Variants in ZGPAT observed in about 807,000 individuals in gnomAD.
ZGPAT encodes zinc finger CCCH-type with G patch domain-containing protein.
ZGPAT carries 39 observed loss-of-function variants against 47.9 expected under a neutral mutation model. The observed-to-expected ratio is 0.81, with a 90% CI of 0.63 to 1.06. ZGPAT has a LOEUF of 1.06. ZGPAT is among the 50% of genes least tolerant of loss of function. The probability of loss-of-function intolerance (pLI) is 0.00; values close to 1 mark genes in which losing one functional copy is unlikely to be tolerated. For missense variants in ZGPAT, 717 were observed against 681.4 expected (o/e 1.05, Z -0.58); for synonymous variants, 348 against 292.9 (o/e 1.19, Z -1.92).
At chr20:63,730,821 G>A (rs2091890050) in intron 2 of ZGPAT, among the ~76,000 whole-genome samples, 1 of 152,040 alleles carries the variant, frequency 6.6e-6, no homozygotes, top group African/African-American at 2.4e-5. Context: ...CTTCCTTTTT[G>A]AAACGATGGC....
chr20:63,722,977 A>G (rs149674758), intron 2 of ZGPAT, among the ~76,000 whole-genome samples: 62 of 152,278 alleles, frequency 4.1e-4, no homozygotes, highest in East Asian at 2.5e-3. Flanking sequence ...CCGTTGTACT[A>G]TGACATAGTT....
chr20:63,729,596 G>A (rs1260032755), intron 2 of ZGPAT, among the ~76,000 whole-genome samples: 1 of 152,072 alleles, frequency 6.6e-6, no homozygotes, highest in Non-Finnish European at 1.5e-5. Context: ...GTGAGGGGGG[G>A]CTCTTCCTGG....
intron 2 of ZGPAT, among the ~76,000 whole-genome samples, chr20:63,714,290 G>A (rs1414855936): frequency 6.6e-6 from 1 of 151,880 alleles, no homozygotes; most frequent in Non-Finnish European, 1.5e-5. Context: ...GCTGGGTGAG[G>A]TGATGTGCAC....
At chr20:63,730,808 G>A (rs2091889989) in intron 2 of ZGPAT, among the ~76,000 whole-genome samples, 2 of 152,236 alleles carry the variant, frequency 1.3e-5, no homozygotes, top group South Asian at 2.1e-4. Flanking sequence ...GGGGTTGAAA[G>A]AACTTCCTTT....
In ZGPAT at chr20:63,735,396, T is replaced by C. The variant is rs1354933283; in HGVS notation, c.1229T>C (p.Leu410Pro). The change falls in exon 6 of 7, where the codon CTA (leucine) becomes CCA (proline). Residue 410 changes from leucine (L) to proline (P), a missense_variant. By Grantham distance (98) the Leu-to-Pro change is moderately conservative. Transcript: ENST00000355969. ...EKLQGQAPGA[L>P]EAGAAPAGRR... ...CTGCAAGGTCAGGCTCCTGGGGCCC[T>C]AGAAGCCGGGGCGGCCCCAGCGGGG... is the stretch of plus-strand genomic sequence containing the variant. 6 of 1,558,072 alleles carry C rather than the reference T, an allele frequency of 3.9e-6. No homozygotes were observed. In the Admixed American group the frequency reaches 8.0e-5, roughly 21 times the overall value.
chr20:63,730,018 G>GCACACACACA (rs112508718), intron 2 of ZGPAT: 23,912 of 146,806 alleles, frequency 0.16, 2,179 homozygotes, highest in East Asian at 0.23. Context: ...AGACTCTACT[G>GCACACACACA]CGCACACACA....
chr20:63,716,881 C>G (rs2145652155), intron 2 of ZGPAT, among the ~76,000 whole-genome samples: 1 of 152,276 alleles, frequency 6.6e-6, no homozygotes. Context: ...GGGATTTCAC[C>G]ATGTTGGCCA....
At chr20:63,717,726 G>A (rs1430620460) in intron 2 of ZGPAT, among the ~76,000 whole-genome samples, 3 of 152,050 alleles carry the variant, frequency 2.0e-5, no homozygotes, top group African/African-American at 4.8e-5. Flanking sequence ...GTACACCACT[G>A]CACCTAACTA....
Position 63,735,947 on chromosome 20 carries a change from G to A in ZGPAT, c.*28G>A, listed in dbSNP as rs779996546. The stretch of plus-strand genomic sequence containing the variant: ...ACCCCACAAGCACTATGGACGAAGC[G>A]TGGGACCCCAGCACGGGCTGCCCTC... On this transcript the variant is annotated 3_prime_UTR_variant, in exon 7 of 7. Transcript: ENST00000355969. 7.5e-6 allele frequency: 12 copies of A among 1,595,238 alleles called. No homozygotes were observed. In the African/African-American group the frequency reaches 1.2e-4, roughly 16 times the overall value.
intron 2 of ZGPAT, among the ~76,000 whole-genome samples, chr20:63,712,440 T>C (rs1421433318): frequency 6.6e-6 from 1 of 152,252 alleles, no homozygotes; most frequent in Non-Finnish European, 1.5e-5. Flanking sequence ...TTATTCACCA[T>C]TTGCTCCTCT....
At chr20:63,724,301 G>A (rs1417073918) in intron 2 of ZGPAT, among the ~76,000 whole-genome samples, 1 of 149,906 alleles carries the variant, frequency 6.7e-6, no homozygotes, top group African/African-American at 2.5e-5. Context: ...GGGAAGCGGA[G>A]GTTGCAGTGA....
chr20:63,717,332 C>CTTTTTTTTT (rs1173734420), intron 2 of ZGPAT, among the ~76,000 whole-genome samples: 34 of 60,970 alleles, frequency 5.6e-4, no homozygotes, highest in East Asian at 1.2e-3. Flanking sequence ...TTTTTCTTTT[C>CTTTTTTTTT]TTTTTTTTTT....
At chr20:63,729,738 T>A (rs2091878228) in intron 2 of ZGPAT, among the ~76,000 whole-genome samples, 1 of 152,202 alleles carries the variant, frequency 6.6e-6, no homozygotes, top group Non-Finnish European at 1.5e-5. Context: ...TTGGTTAATA[T>A]CTTTGTGGCC....
Position 63,736,100 on chromosome 20 carries a change from AT to A in ZGPAT, c.*184del. 2.4e-6 allele frequency: 2 copies of A among 829,402 alleles called. No individual in the cohort carries two copies. Among genetic ancestry groups the A allele is most frequent in the Non-Finnish European group, 3.7e-6 (2 of 535,014 alleles). The allele number at this position is 829,402 out of a possible 1,614,324, so 51.4% of individuals were successfully genotyped here. A position where few individuals can be genotyped will look rare whatever the true frequency, so the allele number is the denominator to read the frequency against. ...TTGCCCACCTGCCAGTGTCTTGGGC[AT>A]TTCCTTGGCAAGGACATTAAAGTGA... On this transcript the variant is annotated 3_prime_UTR_variant, in exon 7 of 7. Coordinates refer to ENST00000355969, the MANE Select transcript of ZGPAT (RefSeq NM_181485.3).
chr20:63,730,797 T>C (rs553477800), intron 2 of ZGPAT, among the ~76,000 whole-genome samples: 16 of 152,308 alleles, frequency 1.1e-4, no homozygotes, highest in African/African-American at 3.8e-4. Context: ...GTTGCTTTTG[T>C]GGGGTTGAAA....
intron 2 of ZGPAT, among the ~76,000 whole-genome samples, chr20:63,714,505 C>G (rs944464017): frequency 6.7e-6 from 1 of 149,526 alleles, no homozygotes; most frequent in African/African-American, 2.4e-5. Context: ...CTTTTTTGTT[C>G]CTGATATTAG....
intron 2 of ZGPAT, among the ~76,000 whole-genome samples, chr20:63,722,260 ATAG>A (rs1372828274): frequency 6.6e-6 from 1 of 152,204 alleles, no homozygotes; most frequent in Non-Finnish European, 1.5e-5. Context: ...CTGAGCAGAA[ATAG>A]CCCAGCTGTC....
At position 63,708,558 on chromosome 20, in the gene ZGPAT, G is replaced by A. The variant is rs760241876; in HGVS notation, c.-23G>A. The A allele has an allele frequency of 9.6e-6, 15 of 1,564,238 alleles. No homozygotes were observed. The highest frequency in any genetic ancestry group is 2.3e-5 in the East Asian group (1 of 44,188). ...GCTGGCTTCTCTTCTTGCAGCCCTG[G>A]TCCAGCGCCTCCCTCTCTCAGCATG... is the stretch of plus-strand genomic sequence containing the variant. On this transcript the variant is annotated 5_prime_UTR_variant, in exon 2 of 7. Coordinates refer to ENST00000355969, the MANE Select transcript of ZGPAT (RefSeq NM_181485.3).
chr20:63,734,595 C>A (rs1222337622), intron 4 of ZGPAT, 110 bp from the exon 5 acceptor site: 1 of 1,540,484 alleles, frequency 6.5e-7, no homozygotes, highest in South Asian at 1.2e-5. Flanking sequence ...GGTCACCATG[C>A]ACAATCCTCT....
Sources: allele counts gnomAD v4.1 joint callset (sites outside exome capture counted in the v4.1 genomes callset), GRCh38; gene constraint gnomAD v4.1.1; transcripts MANE v1.5; gene names NCBI Gene and HGNC (gene_info 2026-07-23, HGNC 2026-07-21).